The following NKAIN2 variants were observed in gnomAD, a reference collection of about 807,000 sequenced individuals.
NKAIN2 encodes the protein sodium/potassium-transporting ATPase subunit beta-1-interacting protein 2.
NKAIN2 carries 14 observed loss-of-function variants against 32.6 expected under a neutral mutation model. The ratio of observed to expected loss-of-function variants is 0.43; its 90% CI spans 0.28 to 0.67. NKAIN2 has a LOEUF of 0.67. NKAIN2 is among the 30% of genes least tolerant of loss of function. The pLI is 0.17. For synonymous variants in NKAIN2, 80 were observed against 87.2 expected (o/e 0.92, Z 0.46); for missense variants, 198 against 258.3 (o/e 0.77, Z 1.60).
At chr6:123,941,036 T>G (rs981841763) in intron 1 of NKAIN2, among the ~76,000 whole-genome samples, 1 of 151,950 alleles carries the variant, frequency 6.6e-6, no homozygotes, top group Non-Finnish European at 1.5e-5. Flanking sequence ...TTTAAAATTT[T>G]TATTTTATTT....
At chr6:124,010,983 A>G (rs943655366) in intron 1 of NKAIN2, among the ~76,000 whole-genome samples, 4 of 152,166 alleles carry the variant, frequency 2.6e-5, no homozygotes, top group African/African-American at 9.7e-5. Flanking sequence ...TTGAAGCGGT[A>G]GTCTCTAATC....
intron 1 of NKAIN2, among the ~76,000 whole-genome samples, chr6:124,141,045 T>A (rs1159748991): frequency 1.3e-5 from 2 of 152,178 alleles, no homozygotes; most frequent in Non-Finnish European, 2.9e-5. Flanking sequence ...ATTACTACCA[T>A]ATGAGATTGC....
chr6:124,750,447 T>G (rs1777655078), intron 4 of NKAIN2, among the ~76,000 whole-genome samples: 1 of 151,824 alleles, frequency 6.6e-6, no homozygotes, highest in Non-Finnish European at 1.5e-5. Flanking sequence ...ATTTTAGCCA[T>G]AGCACCTGGC....
chr6:124,657,800 T>G (rs1351730746), intron 3 of NKAIN2, among the ~76,000 whole-genome samples: 3 of 151,844 alleles, frequency 2.0e-5, no homozygotes, highest in Admixed American at 1.3e-4. Flanking sequence ...GAGAAAAAAA[T>G]AAAGCAGATT....
chr6:124,356,222 T>A (rs187648675), intron 3 of NKAIN2, among the ~76,000 whole-genome samples: 2,696 of 152,048 alleles, frequency 0.018, 38 homozygotes, highest in Non-Finnish European at 0.023. Flanking sequence ...CTAAAAAAAA[T>A]TTTTTTTAAA....
In NKAIN2 at chr6:124,690,514, G is replaced by T. The variant is rs558250503; in HGVS notation, c.474+32128G>T. Among the ~76,000 whole-genome samples, 3 of 152,132 alleles carry T rather than the reference G, an allele frequency of 2.0e-5. No homozygotes were observed. The South Asian group carries it at 6.2e-4, about 32-fold the overall frequency. On this transcript the variant is annotated intron_variant, in intron 4 of 6. Coordinates refer to ENST00000368417, the MANE Select transcript of NKAIN2 (RefSeq NM_001040214.3). ...GAAAGGGGACATATTTATATTCCTG[G>T]TCTTAGGAATTTTCTAGTTTCTCAC... is the stretch of plus-strand genomic sequence containing the variant.
intron 3 of NKAIN2, among the ~76,000 whole-genome samples, chr6:124,462,971 C>T (rs907355612): frequency 6.6e-6 from 1 of 151,968 alleles, no homozygotes; most frequent in African/African-American, 2.4e-5. Context: ...ACCTCTGAGC[C>T]TGAAATGTGA....
chr6:124,233,049 G>C (rs1359675442), intron 1 of NKAIN2, among the ~76,000 whole-genome samples: 1 of 152,052 alleles, frequency 6.6e-6, no homozygotes, highest in African/African-American at 2.4e-5. Context: ...GGGTACAATG[G>C]GAACCAGTCT....
chr6:123,903,135 T>C (rs1447567272), intron 1 of NKAIN2, among the ~76,000 whole-genome samples: 2 of 152,222 alleles, frequency 1.3e-5, no homozygotes, highest in Non-Finnish European at 2.9e-5. Context: ...TGAAAGTCGT[T>C]ATCCTCTGAT....
chr6:124,276,231 T>C (rs1245637422), intron 1 of NKAIN2, among the ~76,000 whole-genome samples: 1 of 151,932 alleles, frequency 6.6e-6, no homozygotes, highest in Non-Finnish European at 1.5e-5. Flanking sequence ...TTAGTTCTAC[T>C]AAATTAGGAT....
chr6:124,575,807 A>G (rs1345068372), intron 3 of NKAIN2, among the ~76,000 whole-genome samples: 2 of 152,126 alleles, frequency 1.3e-5, no homozygotes, highest in African/African-American at 4.8e-5. Flanking sequence ...CAATATCTCA[A>G]AGTGTGGTCC....
At chr6:123,952,320 A>T (rs1176142017) in intron 1 of NKAIN2, among the ~76,000 whole-genome samples, 1 of 152,118 alleles carries the variant, frequency 6.6e-6, no homozygotes, top group African/African-American at 2.4e-5. Context: ...TTCTGTTATT[A>T]GGAATCTCTC....
intron 5 of NKAIN2, among the ~76,000 whole-genome samples, chr6:124,806,941 A>G (rs1217057293): frequency 2.0e-5 from 3 of 152,236 alleles, no homozygotes; most frequent in Non-Finnish European, 4.4e-5. Flanking sequence ...AGAGCTAACT[A>G]TCCTAAATAT....
chr6:124,145,243 T>A (rs189203629), intron 1 of NKAIN2, among the ~76,000 whole-genome samples: 341 of 152,284 alleles, frequency 2.2e-3, no homozygotes, highest in Admixed American at 3.7e-3. Context: ...AACATACAAC[T>A]ACCACACAAC....
intron 4 of NKAIN2, among the ~76,000 whole-genome samples, chr6:124,787,990 G>A (rs1408746165): frequency 7.9e-5 from 12 of 151,988 alleles, no homozygotes; most frequent in Admixed American, 7.9e-4. Context: ...GTGTTTGAGA[G>A]GATTAATGGG....
At chr6:124,256,334 A>G (rs1421692568) in intron 1 of NKAIN2, among the ~76,000 whole-genome samples, 1 of 152,208 alleles carries the variant, frequency 6.6e-6, no homozygotes, top group Non-Finnish European at 1.5e-5. Flanking sequence ...GCTCTTATGT[A>G]CATATGTGTA....
chr6:124,365,868 A>G (rs1258294228), intron 3 of NKAIN2, among the ~76,000 whole-genome samples: 2 of 152,058 alleles, frequency 1.3e-5, no homozygotes, highest in African/African-American at 4.8e-5. Context: ...GAAATTAAAC[A>G]ATATACTTCT....
At chr6:124,221,903 G>T (rs1252257557) in intron 1 of NKAIN2, among the ~76,000 whole-genome samples, 1 of 152,138 alleles carries the variant, frequency 6.6e-6, no homozygotes, top group Non-Finnish European at 1.5e-5. Flanking sequence ...ATCAACTGAG[G>T]TTACTTGTCT....
intron 1 of NKAIN2, among the ~76,000 whole-genome samples, chr6:124,127,911 C>G (rs1161850671): frequency 6.6e-6 from 1 of 152,096 alleles, no homozygotes; most frequent in Non-Finnish European, 1.5e-5. Context: ...ACTGCACCCT[C>G]CGTCTTCTTA....
Sources: gnomAD v4.1 joint callset for allele counts (sites outside exome capture counted in the v4.1 genomes callset) on GRCh38, gnomAD v4.1.1 for gene constraint, MANE v1.5 for transcripts, NCBI Gene and HGNC (gene_info 2026-07-23, HGNC 2026-07-21) for gene names.